The following PRR5L variants were observed in gnomAD, a reference collection of about 807,000 sequenced individuals.
PRR5L encodes proline rich 5 like.
A neutral mutation model predicts 36.4 loss-of-function variants in PRR5L; 21 were observed. The observed-to-expected ratio is 0.58, with a 90% CI of 0.41 to 0.83. The LOEUF (loss-of-function observed/expected upper bound fraction) is 0.83, where lower values mean the gene tolerates loss of function less well. PRR5L is among the 40% of genes least tolerant of loss of function. PRR5L has a pLI of 0.00. For synonymous variants in PRR5L, 188 were observed against 197.0 expected, an observed-to-expected ratio of 0.95 and a Z score of 0.38; for missense variants, 381 against 473.3, an observed-to-expected ratio of 0.80 and a Z score of 1.81.
intron 1 of PRR5L, among the ~76,000 whole-genome samples, chr11:36,342,851 G>GT (rs1277537503): frequency 2.0e-5 from 3 of 152,108 alleles, no homozygotes; most frequent in Non-Finnish European, 4.4e-5. Flanking sequence ...TTGGCACATT[G>GT]TTTTTTTCTC....
intron 1 of PRR5L, among the ~76,000 whole-genome samples, chr11:36,391,173 G>A (rs1857556202): frequency 6.6e-6 from 1 of 152,146 alleles, no homozygotes; most frequent in East Asian, 1.9e-4. Flanking sequence ...CTTTTTCCTG[G>A]AAGCCTCAGA....
intron 5 of PRR5L, among the ~76,000 whole-genome samples, chr11:36,435,348 G>C (rs1858582338): frequency 6.6e-6 from 1 of 152,116 alleles, no homozygotes; most frequent in Admixed American, 6.5e-5. Flanking sequence ...CAGCATTACA[G>C]GCCCTCATGG....
intron 1 of PRR5L, among the ~76,000 whole-genome samples, chr11:36,363,264 G>A (rs1277185682): frequency 1.3e-5 from 2 of 152,158 alleles, no homozygotes. Context: ...AGAAAAGTAA[G>A]CCCAATTCTT....
chr11:36,324,977 T>C (rs1856645412), intron 1 of PRR5L, among the ~76,000 whole-genome samples: 1 of 152,218 alleles, frequency 6.6e-6, no homozygotes. Context: ...TTCATGATGA[T>C]GTTACCAGGG....
At chr11:36,374,104 T>G (rs6484837) in intron 1 of PRR5L, among the ~76,000 whole-genome samples, 55,662 of 100,898 alleles carry the variant, frequency 0.55, 12,940 homozygotes, top group Admixed American at 0.61. Context: ...CTTCCTTCCT[T>G]CCTCTCTCTC....
At chr11:36,400,262 T>C (rs138429063) in intron 1 of PRR5L, among the ~76,000 whole-genome samples, 10 of 152,358 alleles carry the variant, frequency 6.6e-5, no homozygotes, top group Non-Finnish European at 1.3e-4. Context: ...CCAGGGCCTC[T>C]GGAGCCATCT....
At chr11:36,420,269 A>T (rs529069572) in intron 4 of PRR5L, among the ~76,000 whole-genome samples, 11 of 152,298 alleles carry the variant, frequency 7.2e-5, no homozygotes, top group African/African-American at 2.6e-4. Context: ...CTTACCTTAA[A>T]AGTTTATTAT....
chr11:36,455,378 G>A (rs1859034318), intron 8 of PRR5L: 1 of 153,028 alleles, frequency 6.5e-6, no homozygotes, highest in Non-Finnish European at 1.5e-5. Context: ...GGTTTGAAAG[G>A]AGCTGCTCTT....
intron 2 of PRR5L, 105 bp from the exon 3 acceptor site, chr11:36,403,193 G>C (rs1857834610): frequency 1.1e-6 from 1 of 888,884 alleles, no homozygotes; most frequent in Non-Finnish European, 1.8e-6. Flanking sequence ...CCAGGTTTGT[G>C]CTATGAGCTT....
chr11:36,406,081 G>A (rs1276669614), intron 3 of PRR5L, among the ~76,000 whole-genome samples: 1 of 151,124 alleles, frequency 6.6e-6, no homozygotes, highest in Admixed American at 6.6e-5. Flanking sequence ...GTTGGGAGAA[G>A]GATTAAGTTG....
At chr11:36,317,440 G>A (rs1021038680) in intron 1 of PRR5L, among the ~76,000 whole-genome samples, 4 of 152,202 alleles carry the variant, frequency 2.6e-5, no homozygotes, top group Non-Finnish European at 5.9e-5. Context: ...AAATGGTAGA[G>A]ATAGTGTGTC....
chr11:36,341,057 C>T (rs555946732), intron 1 of PRR5L, among the ~76,000 whole-genome samples: 28 of 152,266 alleles, frequency 1.8e-4, no homozygotes, highest in African/African-American at 5.3e-4. Flanking sequence ...AGATTCTCTC[C>T]GGGAAAGGCA....
chr11:36,336,118 G>C (rs765038336), intron 1 of PRR5L, among the ~76,000 whole-genome samples: 10 of 152,128 alleles, frequency 6.6e-5, no homozygotes, highest in Non-Finnish European at 1.3e-4. Flanking sequence ...ATCCAAATGT[G>C]GCTGATTTTG....
intron 3 of PRR5L, among the ~76,000 whole-genome samples, chr11:36,406,889 C>G (rs1451117649): frequency 6.6e-6 from 1 of 152,120 alleles, no homozygotes; most frequent in African/African-American, 2.4e-5. Flanking sequence ...TTCAGAGAGA[C>G]CAGGGATCAA....
chr11:36,436,493 A>G (rs1863397), intron 5 of PRR5L, among the ~76,000 whole-genome samples: 40,217 of 151,994 alleles, frequency 0.26, 5,482 homozygotes, highest in East Asian at 0.42. Flanking sequence ...CTGATCCTCA[A>G]AGTGAGTAGG....
At chr11:36,436,291 A>G (rs1858604998) in intron 5 of PRR5L, among the ~76,000 whole-genome samples, 1 of 152,230 alleles carries the variant, frequency 6.6e-6, no homozygotes, top group Admixed American at 6.5e-5. Context: ...GCCTGGGATG[A>G]GCAGAGGCAG....
intron 1 of PRR5L, among the ~76,000 whole-genome samples, chr11:36,322,928 G>A (rs1039805732): frequency 2.6e-5 from 4 of 152,108 alleles, no homozygotes; most frequent in Admixed American, 1.3e-4. Flanking sequence ...TAAGGCAAGT[G>A]GCATCTACAA....
intron 4 of PRR5L, among the ~76,000 whole-genome samples, chr11:36,429,505 C>T (rs1394330088): frequency 6.6e-6 from 1 of 152,040 alleles, no homozygotes; most frequent in Non-Finnish European, 1.5e-5. Context: ...TCAGTTCCCC[C>T]TATCCTCCCC....
intron 1 of PRR5L, among the ~76,000 whole-genome samples, chr11:36,358,371 G>A (rs996930376): frequency 6.6e-6 from 1 of 152,110 alleles, no homozygotes; most frequent in African/African-American, 2.4e-5. Context: ...CCACCACCCT[G>A]ACCAGTCAGT....
Sources: gnomAD v4.1 joint callset for allele counts (sites outside exome capture counted in the v4.1 genomes callset) on GRCh38, gnomAD v4.1.1 for gene constraint, MANE v1.5 for transcripts, NCBI Gene and HGNC (gene_info 2026-07-23, HGNC 2026-07-21) for gene names.